The following SRGAP2 variants were observed in gnomAD, a reference collection of about 807,000 sequenced individuals.
The protein encoded by SRGAP2 is SLIT-ROBO Rho GTPase-activating protein 2.
SRGAP2 carries 15 observed loss-of-function variants against 57.2 expected under a neutral mutation model. The observed-to-expected ratio is 0.26, with a 90% CI of 0.18 to 0.40. The LOEUF is 0.40. Among genes scored for constraint, SRGAP2 ranks in the 10% least tolerant of loss-of-function variants. The pLI, the probability that SRGAP2 is intolerant of heterozygous loss-of-function variation, is 1.00. For synonymous variants in SRGAP2, 249 were observed against 248.0 expected, an observed-to-expected ratio of 1.00 and a Z score of -0.04; for missense variants, 520 against 669.6, an observed-to-expected ratio of 0.78 and a Z score of 2.47.
At position 206,257,732 on chromosome 1, in the gene SRGAP2, GACTATATATATACATATATATAT is replaced by G. The variant is rs1378596881; in HGVS notation, c.68-45533_68-45511del. Among the ~76,000 whole-genome samples the G allele has an allele frequency of 1.6e-4, 18 of 109,850 alleles. No individual in the cohort carries two copies. The East Asian group carries it at 1.9e-3, about 11-fold the overall frequency. 72.1% of individuals were successfully genotyped at this position (109,850 alleles called of 152,430 possible). The stretch of plus-strand genomic sequence containing the variant: ...AGAGTAGTGTGGTGGTAGGAAAGCA[GACTATATATATACATATATATAT>G]ACTATATATATACATGCAACAAATG... On this transcript the variant is annotated intron_variant, in intron 2 of 22. Coordinates refer to ENST00000573034, the MANE Select transcript of SRGAP2 (RefSeq NM_015326.5).
chr1:206,429,831 T>C (rs997549659), intron 13 of SRGAP2, among the ~76,000 whole-genome samples: 2 of 152,134 alleles, frequency 1.3e-5, no homozygotes, highest in African/African-American at 4.8e-5. Context: ...GCAGTTGAGA[T>C]AGAGAGAAGC....
intron 21 of SRGAP2, among the ~76,000 whole-genome samples, chr1:206,456,364 T>A (rs1553378453): frequency 6.6e-6 from 1 of 152,160 alleles, no homozygotes; most frequent in East Asian, 1.9e-4. Flanking sequence ...CACACTGCCC[T>A]GCTGGGAGGG....
intron 2 of SRGAP2, among the ~76,000 whole-genome samples, chr1:206,295,681 T>C (rs1301729275): frequency 6.6e-6 from 1 of 151,000 alleles, no homozygotes; most frequent in Non-Finnish European, 1.5e-5. Flanking sequence ...CTGTACTATA[T>C]AATTATATAT....
At chr1:206,413,938 A>C (rs1659440223) in intron 10 of SRGAP2, among the ~76,000 whole-genome samples, 2 of 152,332 alleles carry the variant, frequency 1.3e-5, no homozygotes, top group South Asian at 4.1e-4. Flanking sequence ...AAGAGAGAGA[A>C]TCAGATGCAA....
At position 206,463,605 on chromosome 1, in the gene SRGAP2, A is replaced by C. The variant is rs774112581; in HGVS notation, c.*2185A>C. ...CCTTATTTCTCTTTCAACCCTGTAC[A>C]TGACTCGTGTTCACCATCCCCTTGA... On this transcript the variant is annotated 3_prime_UTR_variant, in exon 23 of 23. Transcript: ENST00000573034. The C allele has an allele frequency of 6.6e-6, 1 of 152,618 alleles. No homozygotes were observed. The highest frequency in any genetic ancestry group is 1.5e-5 in the Non-Finnish European group (1 of 68,074). The allele number at this position is 152,618 out of a possible 1,614,324, so 9.5% of individuals were successfully genotyped here. A position where few individuals can be genotyped will look rare whatever the true frequency, so the allele number is the denominator to read the frequency against.
intron 17 of SRGAP2, among the ~76,000 whole-genome samples, chr1:206,440,878 A>T (rs975360179): frequency 2.0e-5 from 3 of 152,128 alleles, no homozygotes; most frequent in Non-Finnish European, 4.4e-5. Flanking sequence ...TTATTTTTTT[A>T]AAAACTGCCA....
chr1:206,432,219 G>GCCAAAC (rs1553368547), intron 14 of SRGAP2, among the ~76,000 whole-genome samples: 5 of 152,304 alleles, frequency 3.3e-5, no homozygotes, highest in South Asian at 2.1e-4. Context: ...TCCAGATATT[G>GCCAAAC]TGGCATGAAT....
chr1:206,386,118 G>T lies in SRGAP2; in HGVS notation c.486+2042G>T, dbSNP rs1274870971. On this transcript the variant is annotated intron_variant, in intron 5 of 22. Transcript: ENST00000573034. ...AAGACATTTTTGATTGTCACAACTG[G>T]AGGAGTAGAAGGTGCTACTGACATC... Among the ~76,000 whole-genome samples, 6 of 152,302 alleles carry T rather than the reference G, an allele frequency of 3.9e-5. No individual in the cohort carries two copies. In the East Asian group the frequency reaches 9.6e-4, roughly 24 times the overall value.
chr1:206,396,272 GT>G (rs1558386811), intron 7 of SRGAP2, among the ~76,000 whole-genome samples: 1 of 147,352 alleles, frequency 6.8e-6, no homozygotes, highest in Non-Finnish European at 1.5e-5. Context: ...GTTGTGTCTT[GT>G]TTTAGTTTGT....
rs1665862685 is a variant in SRGAP2 at position 206,205,762 on chromosome 1, G to A, written c.-209G>A. The A allele has an allele frequency of 3.7e-5, 24 of 653,694 alleles. No individual in the cohort carries two copies. The South Asian group carries it at 4.6e-4, about 13-fold the overall frequency. 40.5% of individuals were successfully genotyped at this position (653,694 alleles called of 1,614,324 possible). On this transcript the variant is annotated 5_prime_UTR_variant, in exon 2 of 23. Coordinates refer to ENST00000573034, the MANE Select transcript of SRGAP2 (RefSeq NM_015326.5). ...TCTAGCACAGGCACCAGCCGCCGCCGCACCCGGCCCCAGCGCCCACCGTCT... is the reference window on the plus strand; with the variant it reads ...TCTAGCACAGGCACCAGCCGCCGCCACACCCGGCCCCAGCGCCCACCGTCT...
intron 11 of SRGAP2, among the ~76,000 whole-genome samples, chr1:206,418,146 G>A (rs549044923): frequency 5.3e-5 from 8 of 152,090 alleles, no homozygotes; most frequent in South Asian, 4.2e-4. Context: ...AAGTCATCAC[G>A]TCCCTGCCTT....
At chr1:206,325,503 C>A (rs1251234134) in intron 3 of SRGAP2, among the ~76,000 whole-genome samples, 1 of 151,232 alleles carries the variant, frequency 6.6e-6, no homozygotes, top group Non-Finnish European at 1.5e-5. Context: ...ACCACCATGC[C>A]CAGCTAGTTT....
intron 3 of SRGAP2, among the ~76,000 whole-genome samples, chr1:206,319,365 C>T (rs1378032717): frequency 4.0e-5 from 6 of 151,442 alleles, no homozygotes; most frequent in Non-Finnish European, 7.4e-5. Flanking sequence ...GAGCCGAGAT[C>T]GCGCCACTGC....
chr1:206,341,317 G>A (rs1471807380), intron 3 of SRGAP2, among the ~76,000 whole-genome samples: 24 of 152,152 alleles, frequency 1.6e-4, no homozygotes, highest in Non-Finnish European at 7.3e-5. Flanking sequence ...AGAGGAAAGG[G>A]GGAAAGAAAC....
At chr1:206,248,081 TTTG>T (rs1668609115) in intron 2 of SRGAP2, among the ~76,000 whole-genome samples, 1 of 152,076 alleles carries the variant, frequency 6.6e-6, no homozygotes, top group African/African-American at 2.4e-5. Context: ...TCTAGGCATT[TTTG>T]TTCTCAGCTT....
chr1:206,260,881 G>A (rs746007706), intron 2 of SRGAP2, among the ~76,000 whole-genome samples: 1 of 152,194 alleles, frequency 6.6e-6, no homozygotes, highest in Non-Finnish European at 1.5e-5. Flanking sequence ...AATGCCAGTT[G>A]GTTTTGTTGG....
At chr1:206,441,161 G>A (rs975474832) in intron 17 of SRGAP2, among the ~76,000 whole-genome samples, 1 of 152,192 alleles carries the variant, frequency 6.6e-6, no homozygotes, top group African/African-American at 2.4e-5. Context: ...AAGGTGTGGA[G>A]AAAGGAATCA....
intron 8 of SRGAP2, among the ~76,000 whole-genome samples, chr1:206,404,436 A>C (rs2103156574): frequency 6.6e-6 from 1 of 152,282 alleles, no homozygotes; most frequent in Middle Eastern, 3.4e-3. Flanking sequence ...AACGGTAACA[A>C]GGTGACAGGA....
chr1:206,356,914 G>T (rs1553339423), intron 4 of SRGAP2, among the ~76,000 whole-genome samples: 5 of 135,306 alleles, frequency 3.7e-5, no homozygotes, highest in Middle Eastern at 7.2e-3. Context: ...CTTTTTCTCT[G>T]TTCTCTACAA....
Sources: gnomAD v4.1 joint callset for allele counts (sites outside exome capture counted in the v4.1 genomes callset) on GRCh38, gnomAD v4.1.1 for gene constraint, MANE v1.5 for transcripts, NCBI Gene and HGNC (gene_info 2026-07-23, HGNC 2026-07-21) for gene names.